The following SPOCK1 variants were observed in gnomAD, a reference collection of about 807,000 sequenced individuals.
The protein encoded by SPOCK1 is SPARC (osteonectin), cwcv and kazal like domains proteoglycan 1, also known as testican-1.
Under a neutral mutation model 55.3 loss-of-function variants are expected in SPOCK1, and 23 were observed. The ratio of observed to expected loss-of-function variants is 0.42; its 90% CI spans 0.30 to 0.59. SPOCK1 has a LOEUF of 0.59. Ranked by LOEUF, SPOCK1 falls within the 20% of genes least tolerant of loss-of-function variation. The pLI is 0.22. For missense variants in SPOCK1, 499 were observed against 552.5 expected, an observed-to-expected ratio of 0.90 and a Z score of 0.97; for synonymous variants, 226 against 221.0, an observed-to-expected ratio of 1.02 and a Z score of -0.20.
At chr5:137,234,398 C>T (rs1162546033) in intron 3 of SPOCK1, among the ~76,000 whole-genome samples, 1 of 152,202 alleles carries the variant, frequency 6.6e-6, no homozygotes, top group Non-Finnish European at 1.5e-5. Flanking sequence ...AGATGCCCTG[C>T]TGCTGCATCG....
intron 2 of SPOCK1, among the ~76,000 whole-genome samples, chr5:137,391,742 G>A (rs779299198): frequency 2.0e-5 from 3 of 152,010 alleles, no homozygotes; most frequent in Non-Finnish European, 2.9e-5. Context: ...CCTGGGATCT[G>A]CTCCTGCAAT....
chr5:137,453,762 G>A (rs1047573949), intron 2 of SPOCK1, among the ~76,000 whole-genome samples: 6 of 152,256 alleles, frequency 3.9e-5, no homozygotes, highest in African/African-American at 1.4e-4. Context: ...CAATTTAAGG[G>A]GTAGAGCGAG....
intron 2 of SPOCK1, among the ~76,000 whole-genome samples, chr5:137,288,959 T>C (rs1290483179): frequency 6.6e-6 from 1 of 152,224 alleles, no homozygotes; most frequent in Admixed American, 6.5e-5. Context: ...TAATGCAAAC[T>C]GCAAAAAGCA....
At chr5:137,204,074 C>A (rs1017917480) in intron 3 of SPOCK1, among the ~76,000 whole-genome samples, 3 of 152,134 alleles carry the variant, frequency 2.0e-5, no homozygotes, top group African/African-American at 7.2e-5. Flanking sequence ...GCTTGGTGGC[C>A]TTGGGCTGGT....
chr5:137,182,987 G>A (rs1271176894), intron 3 of SPOCK1, among the ~76,000 whole-genome samples: 1 of 152,120 alleles, frequency 6.6e-6, no homozygotes, highest in Non-Finnish European at 1.5e-5. Flanking sequence ...TAGGTACAAG[G>A]CACCTGCACT....
intron 2 of SPOCK1, among the ~76,000 whole-genome samples, chr5:137,347,777 G>A (rs146585140): frequency 2.0e-5 from 3 of 152,092 alleles, no homozygotes; most frequent in Non-Finnish European, 4.4e-5. Flanking sequence ...CTCTTGCTTC[G>A]AAGCCTCCCC....
intron 3 of SPOCK1, among the ~76,000 whole-genome samples, chr5:137,239,524 T>C (rs1756243458): frequency 6.6e-6 from 1 of 152,186 alleles, no homozygotes; most frequent in Non-Finnish European, 1.5e-5. Context: ...GATTTGTGAC[T>C]GGCATCTGAA....
At chr5:137,021,265 T>G (rs544755928) in intron 6 of SPOCK1, among the ~76,000 whole-genome samples, 13 of 152,272 alleles carry the variant, frequency 8.5e-5, no homozygotes, top group African/African-American at 3.1e-4. Context: ...CAGCATTGAG[T>G]GAAGAATACG....
intron 3 of SPOCK1, among the ~76,000 whole-genome samples, chr5:137,246,629 A>G (rs2127103511): frequency 6.6e-6 from 1 of 152,294 alleles, no homozygotes; most frequent in East Asian, 1.9e-4. Context: ...TCTAAATTTG[A>G]TGGCCCTGAC....
At chr5:137,357,635 G>A (rs918941010) in intron 2 of SPOCK1, among the ~76,000 whole-genome samples, 4 of 152,132 alleles carry the variant, frequency 2.6e-5, no homozygotes, top group African/African-American at 9.7e-5. Context: ...CGGCAAGCAG[G>A]TGAGTGTACA....
chr5:137,134,283 TGAGCCAGCCAC>T (rs1406867762), intron 4 of SPOCK1, among the ~76,000 whole-genome samples: 1 of 152,228 alleles, frequency 6.6e-6, no homozygotes, highest in Non-Finnish European at 1.5e-5. Flanking sequence ...GCAGCAACCT[TGAGCCAGCCAC>T]TTTCCTTCTC....
chr5:137,172,314 T>C (rs1754768152), intron 3 of SPOCK1, among the ~76,000 whole-genome samples: 1 of 152,192 alleles, frequency 6.6e-6, no homozygotes, highest in African/African-American at 2.4e-5. Context: ...ACCTCAGTGA[T>C]GGCAGGATAA....
chr5:137,168,457 T>C (rs377424868), intron 3 of SPOCK1, among the ~76,000 whole-genome samples: 3 of 152,062 alleles, frequency 2.0e-5, no homozygotes, highest in South Asian at 2.1e-4. Context: ...ACCCATGTGA[T>C]AAAGGGATTA....
chr5:137,472,855 A>C (rs1255693986), intron 2 of SPOCK1, among the ~76,000 whole-genome samples: 2 of 152,258 alleles, frequency 1.3e-5, no homozygotes. Flanking sequence ...ATTTGAAAAG[A>C]TGCTCCACTT....
chr5:137,076,137 C>T (rs1318880556), intron 5 of SPOCK1, among the ~76,000 whole-genome samples: 2 of 152,102 alleles, frequency 1.3e-5, no homozygotes, highest in Non-Finnish European at 2.9e-5. Flanking sequence ...AGCCCAGACC[C>T]GAAGGGCTCT....
intron 2 of SPOCK1, among the ~76,000 whole-genome samples, chr5:137,269,568 C>T (rs1434643): frequency 0.68 from 103,144 of 152,054 alleles, 35,484 homozygotes; most frequent in African/African-American, 0.76. Flanking sequence ...CTGGAGTATA[C>T]GTGATCACTC....
chr5:137,319,915 G>A (rs1248512497), intron 2 of SPOCK1, among the ~76,000 whole-genome samples: 2 of 133,722 alleles, frequency 1.5e-5, no homozygotes, highest in African/African-American at 2.8e-5. Context: ...ACTGCAGTCC[G>A]CAGTCCGGCC....
At chr5:137,489,330 C>A (rs1044324881) in intron 2 of SPOCK1, among the ~76,000 whole-genome samples, 1 of 152,158 alleles carries the variant, frequency 6.6e-6, no homozygotes, top group Non-Finnish European at 1.5e-5. Context: ...GAAGGAGCAA[C>A]CCCATGTATA....
chr5:137,156,249 C>T (rs1482062411), intron 3 of SPOCK1, among the ~76,000 whole-genome samples: 2 of 152,266 alleles, frequency 1.3e-5, no homozygotes, highest in East Asian at 3.9e-4. Flanking sequence ...GACATGTGAA[C>T]GTGGTCTGCC....
Sources: allele counts gnomAD v4.1 joint callset (sites outside exome capture counted in the v4.1 genomes callset), GRCh38; gene constraint gnomAD v4.1.1; transcripts MANE v1.5; gene names NCBI Gene and HGNC (gene_info 2026-07-23, HGNC 2026-07-21).